The following CATSPERG variants were observed in gnomAD, a reference collection of about 807,000 sequenced individuals.
CATSPERG encodes catsper channel auxiliary subunit gamma, also known as cation channel sperm-associated auxiliary subunit gamma.
In CATSPERG, 115 loss-of-function variants were observed where a neutral mutation model predicts 145.0. The observed-to-expected ratio is 0.79, with a 90% CI of 0.68 to 0.93. The LOEUF (loss-of-function observed/expected upper bound fraction) is 0.93, where lower values mean the gene tolerates loss of function less well. Ranked by LOEUF, CATSPERG falls within the 40% of genes least tolerant of loss-of-function variation. The probability of loss-of-function intolerance (pLI) is 0.00; values close to 1 mark genes in which losing one functional copy is unlikely to be tolerated. For missense variants in CATSPERG, 1,296 were observed against 1,490.1 expected (o/e 0.87, Z 2.14); for synonymous variants, 588 against 589.0 (o/e 1.00, Z 0.02).
At chr19:38,367,825 G>T in intron 25 of CATSPERG, 49 bp downstream of exon 25, 1 of 1,555,646 alleles carries the variant, frequency 6.4e-7, no homozygotes, top group Admixed American at 1.7e-5. Context: ...TCCCCTGGAG[G>T]CCTTTCCCAC....
intron 3 of CATSPERG, among the ~76,000 whole-genome samples, chr19:38,340,440 C>T (rs1969918015): frequency 2.0e-5 from 3 of 151,836 alleles, no homozygotes; most frequent in Admixed American, 2.0e-4. Flanking sequence ...CCTGCCTCAG[C>T]TGCCCAAGTA....
chr19:38,352,473 C>G (rs1343141565), intron 8 of CATSPERG, 41 bp downstream of exon 8: 2 of 1,538,978 alleles, frequency 1.3e-6, no homozygotes, highest in Non-Finnish European at 1.8e-6. Flanking sequence ...GGGAGGGCAC[C>G]CTGGTGAACC....
chr19:38,353,172 A>G (rs889552900), intron 8 of CATSPERG, among the ~76,000 whole-genome samples: 3 of 151,728 alleles, frequency 2.0e-5, no homozygotes, highest in African/African-American at 7.3e-5. Flanking sequence ...CATCTCTGCT[A>G]AAAATACAAA....
At chr19:38,342,767 G>A (rs531592835) in intron 3 of CATSPERG, among the ~76,000 whole-genome samples, 204 of 151,392 alleles carry the variant, frequency 1.3e-3, no homozygotes, top group Non-Finnish European at 2.5e-3. Context: ...CTTCTCTCGG[G>A]GACGCCTCTT....
At position 38,369,997 on chromosome 19, in the gene CATSPERG, T is replaced by C. The variant is rs901575525; in HGVS notation, c.3046T>C (p.Cys1016Arg). 2 of 1,614,254 alleles carry C rather than the reference T, an allele frequency of 1.2e-6. No individual in the cohort carries two copies. Among genetic ancestry groups the C allele is most frequent in the Admixed American group, 3.3e-5 (2 of 60,032 alleles). The stretch of plus-strand genomic sequence containing the variant: ...GTGGCTCTGTCTGGAGAATGCCCCA[T>C]GCTATGACAATGTTCCCCAAGGCAT... Reference protein sequence around the residue: ...IEWLCLENAPCYDNVPQGIFA... With the variant: ...IEWLCLENAPRYDNVPQGIFA... Residue 1016 changes from cysteine to arginine, a missense_variant, in exon 27 of 29, where the codon TGC (cysteine) becomes CGC (arginine). Transcript: ENST00000409235.
At position 38,370,515 on chromosome 19, in the gene CATSPERG, G is replaced by A. The variant is rs1159597120; in HGVS notation, c.3214-11G>A. 3.7e-6 allele frequency: 6 copies of A among 1,613,984 alleles called. No individual in the cohort carries two copies. The highest frequency in any genetic ancestry group is 4.2e-6 in the Non-Finnish European group (5 of 1,179,942). On this transcript the variant is annotated splice_polypyrimidine_tract_variant and intron_variant, in intron 28 of 28. Transcript: ENST00000409235. The stretch of plus-strand genomic sequence containing the variant: ...TGTGCCAACTCCTTACTCATTCTTT[G>A]CTCCCTGCAGGTGTCAGCTAGCGTG...
Position 38,343,573 on chromosome 19 carries a change from C to T in CATSPERG, c.325-7C>T, listed in dbSNP as rs1969973355. ...AGGACACACTTGTGGGGCCATCTCA[C>T]CCTCAGCCCTCTGAGGACCTGGTGC... On this transcript the variant is annotated splice_region_variant and splice_polypyrimidine_tract_variant and intron_variant, in intron 3 of 28. Transcript: ENST00000409235. 6 of 1,543,340 alleles carry T rather than the reference C, an allele frequency of 3.9e-6. No individual in the cohort carries two copies. Among genetic ancestry groups the T allele is most frequent in the Non-Finnish European group, 5.2e-6 (6 of 1,142,932 alleles).
chr19:38,363,489 CTTT>C (rs1173452820), intron 20 of CATSPERG, among the ~76,000 whole-genome samples: 3 of 128,240 alleles, frequency 2.3e-5, no homozygotes, highest in African/African-American at 5.9e-5. Context: ...TAGCCTATTC[CTTT>C]TTTTTTTTTT....
intron 1 of CATSPERG, 88 bp from the exon 2 acceptor site, chr19:38,337,133 T>C (rs1184106839): frequency 4.1e-6 from 6 of 1,464,178 alleles, no homozygotes; most frequent in East Asian, 5.0e-5. Context: ...GAGCAAGTGC[T>C]GTGAGAGGCG....
rs750399964 is a variant in CATSPERG at position 38,360,808 on chromosome 19, A to C, written c.1845A>C (p.Gln615His). 1 of 1,608,948 alleles carries C rather than the reference A, an allele frequency of 6.2e-7. No homozygotes were observed. Among genetic ancestry groups the C allele is most frequent in the Non-Finnish European group, 8.5e-7 (1 of 1,178,192 alleles). The change falls in exon 16 of 29, where the codon CAA (glutamine) becomes CAC (histidine). Residue 615 changes from glutamine (Q) to histidine (H), a missense_variant. Transcript: ENST00000409235. Reference protein sequence around the residue: ...LVPVEQLLMYQQHTSHYDLER... With the variant: ...LVPVEQLLMYHQHTSHYDLER... ...CCGTGGAGCAGCTTCTGATGTATCA[A>C]CAGCACACCAGCCACTATGACTTGG... is the stretch of plus-strand genomic sequence containing the variant.
In CATSPERG at chr19:38,337,314, C is replaced by T. The variant is rs751226687; in HGVS notation, c.80C>T (p.Ala27Val). Residue 27 changes from alanine (A) to valine (V), a missense_variant, in exon 2 of 29, where the codon GCA becomes GTA. Transcript: ENST00000409235. ...GTGCAGGTGCTGTGGGCCCTGCTGG[C>T]AGTGCTCCTGGCGTCGTGGAGGCTG... ...RVVQVLWALL[A>V]VLLASWRLWA... 2 of 1,551,536 alleles carry T rather than the reference C, an allele frequency of 1.3e-6. No individual in the cohort carries two copies. The highest frequency in any genetic ancestry group is 1.7e-6 in the Non-Finnish European group (2 of 1,147,006).
chr19:38,367,621 G>A (rs1004154302), intron 24 of CATSPERG, 49 bp downstream of exon 24: 8 of 1,612,108 alleles, frequency 5.0e-6, no homozygotes, highest in Non-Finnish European at 6.8e-6. Flanking sequence ...GGAGTGGAAG[G>A]AGATGGGTGC....
In CATSPERG at chr19:38,360,861, C is replaced by T; in HGVS notation, c.1880+18C>T. ...CGGAAAGGGTGAGAAGACACCGGAC[C>T]ATGACAGGGGTCTGAGGGCTCCCGG... On this transcript the variant is annotated intron_variant, in intron 16 of 28. Transcript: ENST00000409235. The T allele has an allele frequency of 6.3e-7, 1 of 1,585,836 alleles. No individual in the cohort carries two copies.
chr19:38,338,875 T>A (rs1034200979), intron 3 of CATSPERG, among the ~76,000 whole-genome samples: 3 of 152,112 alleles, frequency 2.0e-5, no homozygotes, highest in Non-Finnish European at 4.4e-5. Context: ...TCTTTGTTTT[T>A]ATTAATTAAT....
chr19:38,343,920 C>T (rs1438518941), intron 4 of CATSPERG, 73 bp from the exon 5 acceptor site: 1 of 1,526,392 alleles, frequency 6.6e-7, no homozygotes, highest in South Asian at 1.2e-5. Flanking sequence ...TGGGGAGATC[C>T]CAGGGTGGTC....
At chr19:38,352,595 CTTTTTTTTTTTT>C (rs576701757) in intron 8 of CATSPERG, 163 bp downstream of exon 8, 12 of 314,610 alleles carry the variant, frequency 3.8e-5, no homozygotes, top group Middle Eastern at 9.7e-4. Context: ...TTGCCTTGCC[CTTTTTTTTTTTT>C]TTTTTTTTTT....
In CATSPERG at chr19:38,362,197, GC is replaced by G. The variant is rs1970360332; in HGVS notation, c.2095-12del. On this transcript the variant is annotated splice_polypyrimidine_tract_variant and intron_variant, in intron 17 of 28. Transcript: ENST00000409235. ...CTGCCCAATCCCTTCACGGTGCCGG[GC>G]GATCCCTGCAGCCGTACGCGGACCC... 6.3e-7 allele frequency: 1 copy of G among 1,577,618 alleles called. No homozygotes were observed. The highest frequency in any genetic ancestry group is 8.6e-7 in the Non-Finnish European group (1 of 1,161,870).
At chr19:38,353,422 C>T (rs1970183106) in intron 8 of CATSPERG, among the ~76,000 whole-genome samples, 1 of 152,072 alleles carries the variant, frequency 6.6e-6, no homozygotes, top group South Asian at 2.1e-4. Context: ...GGTGCAGTAG[C>T]TCACACCTGT....
intron 26 of CATSPERG, 49 bp downstream of exon 26, chr19:38,368,186 T>C: frequency 6.6e-7 from 1 of 1,525,028 alleles, no homozygotes; most frequent in East Asian, 2.2e-5. Flanking sequence ...CGGTAGTCCA[T>C]TGGGCCCACC....
Sources: allele counts gnomAD v4.1 joint callset (sites outside exome capture counted in the v4.1 genomes callset), GRCh38; gene constraint gnomAD v4.1.1; transcripts MANE v1.5; gene names NCBI Gene and HGNC (gene_info 2026-07-23, HGNC 2026-07-21).